ROBO1: variants seen among roughly 807,000 people sequenced by gnomAD.
ROBO1 encodes the protein roundabout guidance receptor 1.
ROBO1 carries 149 observed loss-of-function variants against 195.9 expected under a neutral mutation model. The ratio of observed to expected loss-of-function variants is 0.76; its 90% CI spans 0.67 to 0.87. The LOEUF is 0.87. Ranked by LOEUF, ROBO1 falls within the 40% of genes least tolerant of loss-of-function variation. ROBO1 has a pLI of 0.00. For missense variants in ROBO1, 1,933 were observed against 2,068.3 expected, an observed-to-expected ratio of 0.93 and a Z score of 1.27; for synonymous variants, 816 against 733.2, an observed-to-expected ratio of 1.11 and a Z score of -1.82.
chr3:78,828,874 A>G (rs936991416), intron 4 of ROBO1, among the ~76,000 whole-genome samples: 9 of 152,316 alleles, frequency 5.9e-5, no homozygotes, highest in African/African-American at 2.2e-4. Flanking sequence ...TATAAATATT[A>G]CCTAATATAA....
At chr3:78,739,363 T>G (rs1056650573) in intron 5 of ROBO1, among the ~76,000 whole-genome samples, 4 of 152,170 alleles carry the variant, frequency 2.6e-5, no homozygotes, top group Non-Finnish European at 4.4e-5. Context: ...ATTTGTTATA[T>G]AATATCTCAT....
At chr3:79,364,669 C>A (rs1403254216) in intron 2 of ROBO1, among the ~76,000 whole-genome samples, 1 of 152,054 alleles carries the variant, frequency 6.6e-6, no homozygotes, top group African/African-American at 2.4e-5. Flanking sequence ...ATTAATCAAT[C>A]CAGTTTCTGT....
intron 4 of ROBO1, among the ~76,000 whole-genome samples, chr3:78,925,571 C>CT (rs1032604349): frequency 1.3e-5 from 2 of 151,974 alleles, no homozygotes; most frequent in Non-Finnish European, 2.9e-5. Flanking sequence ...CGAAAAACAC[C>CT]TTTTTTCATT....
intron 4 of ROBO1, among the ~76,000 whole-genome samples, chr3:78,748,844 T>C (rs2082722029): frequency 6.6e-6 from 1 of 152,170 alleles, no homozygotes; most frequent in Non-Finnish European, 1.5e-5. Context: ...TTCTTATCTT[T>C]GGAAAGAACA....
At chr3:79,619,023 C>T (rs1020666044) in intron 1 of ROBO1, among the ~76,000 whole-genome samples, 1 of 152,184 alleles carries the variant, frequency 6.6e-6, no homozygotes, top group African/African-American at 2.4e-5. Context: ...GATCATTCAC[C>T]CACATTCCAT....
At chr3:79,694,128 A>G (rs929373133) in intron 1 of ROBO1, among the ~76,000 whole-genome samples, 1 of 151,824 alleles carries the variant, frequency 6.6e-6, no homozygotes, top group Non-Finnish European at 1.5e-5. Flanking sequence ...TAAGATTCAT[A>G]AAGTCTTCAG....
At chr3:78,997,398 G>A (rs778989173) in intron 3 of ROBO1, among the ~76,000 whole-genome samples, 3 of 152,082 alleles carry the variant, frequency 2.0e-5, no homozygotes, top group Admixed American at 6.6e-5. Context: ...GGTATTCACC[G>A]AGTAGAGTGG....
Position 79,088,700 on chromosome 3 carries a change from C to T in ROBO1, c.172+36756G>A, listed in dbSNP as rs1020686435. On this transcript the variant is annotated intron_variant, in intron 3 of 30. Coordinates refer to ENST00000464233, the MANE Select transcript of ROBO1 (RefSeq NM_002941.4). ...TTTAATGGCTATAAATTTTAACATC[C>T]TTTCTTTGTGAAGAAGAATTATCTG... Among the ~76,000 whole-genome samples, 9 of 152,040 alleles carry T rather than the reference C, an allele frequency of 5.9e-5. No homozygotes were observed. In the East Asian group the frequency reaches 1.7e-3, roughly 29 times the overall value.
chr3:79,165,283 C>T (rs1370202595), intron 2 of ROBO1, among the ~76,000 whole-genome samples: 1 of 152,166 alleles, frequency 6.6e-6, no homozygotes. Flanking sequence ...TGTAGTAGTT[C>T]TGTACATGTA....
chr3:78,973,313 G>T (rs1038584760), intron 3 of ROBO1, among the ~76,000 whole-genome samples: 1 of 150,642 alleles, frequency 6.6e-6, no homozygotes, highest in Admixed American at 6.6e-5. Flanking sequence ...CTTCCATTAA[G>T]CCTTGTTAGA....
intron 3 of ROBO1, among the ~76,000 whole-genome samples, chr3:78,986,581 C>A (rs1190520950): frequency 6.6e-6 from 1 of 152,050 alleles, no homozygotes; most frequent in Non-Finnish European, 1.5e-5. Flanking sequence ...CCTTATTGAA[C>A]GAACAGAAAA....
At chr3:79,265,662 GA>G (rs1165273603) in intron 2 of ROBO1, among the ~76,000 whole-genome samples, 4 of 151,372 alleles carry the variant, frequency 2.6e-5, no homozygotes, top group East Asian at 1.9e-4. Flanking sequence ...ATAAAAATAT[GA>G]AAAAAGTTTT....
At chr3:78,726,088 C>G (rs2082155620) in intron 5 of ROBO1, among the ~76,000 whole-genome samples, 1 of 151,980 alleles carries the variant, frequency 6.6e-6, no homozygotes, top group African/African-American at 2.4e-5. Flanking sequence ...ATTCAACAGA[C>G]CAAAAACAAA....
At chr3:78,773,059 A>T (rs1225277283) in intron 4 of ROBO1, among the ~76,000 whole-genome samples, 1 of 152,120 alleles carries the variant, frequency 6.6e-6, no homozygotes, top group African/African-American at 2.4e-5. Flanking sequence ...TTACTCACTG[A>T]CTATAAGGTG....
chr3:79,175,873 A>C (rs2081254578), intron 2 of ROBO1, among the ~76,000 whole-genome samples: 1 of 152,226 alleles, frequency 6.6e-6, no homozygotes, highest in East Asian at 1.9e-4. Flanking sequence ...AATGCTATAT[A>C]CATGTTGTAT....
At chr3:78,983,320 A>G (rs1479748150) in intron 3 of ROBO1, among the ~76,000 whole-genome samples, 2 of 152,204 alleles carry the variant, frequency 1.3e-5, no homozygotes, top group African/African-American at 4.8e-5. Flanking sequence ...TTCTCCCCCT[A>G]TACACACATC....
intron 2 of ROBO1, among the ~76,000 whole-genome samples, chr3:79,486,052 T>A (rs1939141934): frequency 6.6e-6 from 1 of 152,210 alleles, no homozygotes; most frequent in African/African-American, 2.4e-5. Context: ...TAATCACATG[T>A]CCTTGAAAAC....
intron 2 of ROBO1, among the ~76,000 whole-genome samples, chr3:79,502,541 G>T (rs1442201797): frequency 6.6e-6 from 1 of 151,966 alleles, no homozygotes; most frequent in East Asian, 1.9e-4. Flanking sequence ...GAGCCTCCCA[G>T]ACGAGCGCCA....
chr3:78,676,805 G>A (rs1475739617), intron 10 of ROBO1, among the ~76,000 whole-genome samples: 2 of 152,138 alleles, frequency 1.3e-5, no homozygotes, highest in Non-Finnish European at 1.5e-5. Context: ...CCAACATTCA[G>A]ATTCAGGAAA....
Sources: gnomAD v4.1 joint callset for allele counts (sites outside exome capture counted in the v4.1 genomes callset) on GRCh38, gnomAD v4.1.1 for gene constraint, MANE v1.5 for transcripts, NCBI Gene and HGNC (gene_info 2026-07-23, HGNC 2026-07-21) for gene names.